GSG1L: variants seen among roughly 807,000 people sequenced by gnomAD.
The protein encoded by GSG1L is germ cell-specific gene 1-like protein.
GSG1L carries 24 observed loss-of-function variants against 42.1 expected under a neutral mutation model. The ratio of observed to expected loss-of-function variants is 0.57; its 90% CI spans 0.41 to 0.80. The LOEUF is 0.80. GSG1L is among the 30% of genes least tolerant of loss of function. The pLI, the probability that GSG1L is intolerant of heterozygous loss-of-function variation, is 0.00. For synonymous variants in GSG1L, 215 were observed against 203.5 expected (o/e 1.06, Z -0.48); for missense variants, 445 against 472.2 (o/e 0.94, Z 0.53).
At chr16:28,034,876 C>A (rs974038045) in intron 1 of GSG1L, among the ~76,000 whole-genome samples, 9 of 152,174 alleles carry the variant, frequency 5.9e-5, no homozygotes, top group African/African-American at 2.2e-4. Context: ...AGGGGAATTG[C>A]CCCCAGTTGA....
At chr16:27,868,014 G>A (rs1261107127) in intron 3 of GSG1L, among the ~76,000 whole-genome samples, 1 of 152,220 alleles carries the variant, frequency 6.6e-6, no homozygotes, top group Non-Finnish European at 1.5e-5. Flanking sequence ...TCCAGCGTAG[G>A]TTTTATTTCC....
At chr16:27,935,611 G>GT (rs2084707189) in intron 2 of GSG1L, among the ~76,000 whole-genome samples, 2 of 152,102 alleles carry the variant, frequency 1.3e-5, no homozygotes, top group South Asian at 4.2e-4. Context: ...CTGTGAATCA[G>GT]TTTTTGGAGT....
rs746146565 is a variant in GSG1L at position 28,063,202 on chromosome 16, T to TGGCGGCGGCGGCGGC, written c.208_222dup (p.Ala70_Ala74dup). On this transcript the variant is annotated inframe_insertion, in exon 1 of 7. Transcript: ENST00000447459. This position sits in a 1 kb window ranked among gnomAD's most constrained non-coding sequence, Gnocchi z 5.8. ...CCAGGGGGGCCGTTCCCCGAGGCGG[T>TGGCGGCGGCGGCGGC]GGCGGCGGCGGCGGCGGCGGCGGGG... The TGGCGGCGGCGGCGGC allele has an allele frequency of 7.9e-7, 1 of 1,261,488 alleles. No homozygotes were observed. Among genetic ancestry groups the TGGCGGCGGCGGCGGC allele is most frequent in the African/African-American group, 1.6e-5 (1 of 62,858 alleles). The allele number at this position is 1,261,488 out of a possible 1,614,324, so 78.1% of individuals were successfully genotyped here.
Position 27,892,694 on chromosome 16 carries a change from G to A in GSG1L, c.398-8056C>T, listed in dbSNP as rs562144634. Among the ~76,000 whole-genome samples, 93 of 151,744 alleles carry A rather than the reference G, an allele frequency of 6.1e-4. 2 individuals carry two copies. In the South Asian group the frequency reaches 0.012, roughly 19 times the overall value. On this transcript the variant is annotated intron_variant, in intron 2 of 6. Transcript: ENST00000447459. ...GATCTCAGCTACTCGGGAGGCTGAG[G>A]CAGGAGAATTCCTTGAACCCGGGAG...
intron 3 of GSG1L, among the ~76,000 whole-genome samples, chr16:27,879,906 C>T (rs2083932340): frequency 6.6e-6 from 1 of 150,548 alleles, no homozygotes; most frequent in Non-Finnish European, 1.5e-5. Flanking sequence ...TTGGTGGAAT[C>T]CACAGATGCG....
intron 1 of GSG1L, among the ~76,000 whole-genome samples, chr16:28,004,220 G>C (rs1428287280): frequency 1.3e-5 from 2 of 152,202 alleles, no homozygotes; most frequent in Middle Eastern, 3.2e-3. Flanking sequence ...AGTGCTGGCT[G>C]CTCCCTTGCC....
intron 2 of GSG1L, among the ~76,000 whole-genome samples, chr16:27,911,766 C>T (rs894845532): frequency 1.3e-5 from 2 of 152,124 alleles, no homozygotes; most frequent in Admixed American, 1.3e-4. Context: ...CCCTCTGGCT[C>T]CCCCAACTGT....
intron 2 of GSG1L, among the ~76,000 whole-genome samples, chr16:27,960,121 T>C (rs534352275): frequency 3.9e-4 from 59 of 152,112 alleles, no homozygotes; most frequent in Admixed American, 2.4e-3. Flanking sequence ...ATGCCTGCGG[T>C]TTGCCAGGTG....
intron 1 of GSG1L, among the ~76,000 whole-genome samples, chr16:28,061,225 A>T (rs1368250867): frequency 6.6e-6 from 1 of 152,240 alleles, no homozygotes; most frequent in Non-Finnish European, 1.5e-5. Context: ...GTTCCTGACA[A>T]CAAGGTGTTA....
chr16:27,849,199 AAAAG>A (rs1450258788), intron 3 of GSG1L, among the ~76,000 whole-genome samples: 3,120 of 56,662 alleles, frequency 0.055, 66 homozygotes, highest in East Asian at 0.27. Flanking sequence ...CTCTATCCCA[AAAAG>A]AAAAAAAAAA....
intron 1 of GSG1L, among the ~76,000 whole-genome samples, chr16:28,030,756 A>AATGGGATGGGAGGGG (rs2085948646): frequency 1.0e-5 from 1 of 95,794 alleles, no homozygotes; most frequent in Non-Finnish European, 2.0e-5. Context: ...GTTAGGATGG[A>AATGGGATGGGAGGGG]ATGGGATGGG....
Position 28,063,037 on chromosome 16 carries a change from G to A in GSG1L, c.349+39C>T. The A allele has an allele frequency of 9.5e-6, 13 of 1,364,750 alleles. No homozygotes were observed. Among genetic ancestry groups the A allele is most frequent in the Non-Finnish European group, 1.0e-5 (11 of 1,054,964 alleles). 84.5% of individuals were successfully genotyped at this position (1,364,750 alleles called of 1,614,324 possible). A position where few individuals can be genotyped will look rare whatever the true frequency, so the allele number is the denominator to read the frequency against. ...CCTCGATGGCCGCGCCGCCCCGGGG[G>A]AGCCGGAGCCGAGCTGGCCGCCGCC... On this transcript the variant is annotated intron_variant, in intron 1 of 6. Coordinates refer to ENST00000447459, the MANE Select transcript of GSG1L (RefSeq NM_001109763.2). The surrounding 1 kb of genome is among the most constrained non-coding windows in gnomAD (Gnocchi z 5.8).
At chr16:27,807,390 G>T in intron 6 of GSG1L, 97 bp downstream of exon 6, 2 of 923,480 alleles carry the variant, frequency 2.2e-6, no homozygotes, top group Non-Finnish European at 3.4e-6. Flanking sequence ...AGGGTGCAGT[G>T]GGGGGTGGGG....
intron 3 of GSG1L, among the ~76,000 whole-genome samples, chr16:27,882,520 T>G (rs1329049926): frequency 2.0e-5 from 3 of 152,116 alleles, no homozygotes; most frequent in African/African-American, 7.2e-5. Context: ...CTCTCCCTAC[T>G]CCCAGTCTTC....
intron 5 of GSG1L, among the ~76,000 whole-genome samples, chr16:27,815,497 T>C (rs1214708326): frequency 6.6e-6 from 1 of 152,214 alleles, no homozygotes; most frequent in African/African-American, 2.4e-5. Flanking sequence ...GGTATTCTTT[T>C]ATGGCAATGT....
chr16:27,982,143 G>T (rs1157368571), intron 1 of GSG1L, among the ~76,000 whole-genome samples: 1 of 152,204 alleles, frequency 6.6e-6, no homozygotes, highest in African/African-American at 2.4e-5. Context: ...TGAGGAGGGA[G>T]GATCACTTGA....
chr16:27,989,909 CT>C (rs2085436996), intron 1 of GSG1L, among the ~76,000 whole-genome samples: 2 of 152,052 alleles, frequency 1.3e-5, no homozygotes, highest in South Asian at 4.1e-4. Context: ...TTGCTTTATT[CT>C]GATTCTTTTT....
chr16:27,853,606 C>T (rs190719749), intron 3 of GSG1L, among the ~76,000 whole-genome samples: 2 of 152,312 alleles, frequency 1.3e-5, no homozygotes, highest in East Asian at 1.9e-4. Flanking sequence ...GCCCTTTCTC[C>T]AAAGGTCCCC....
At chr16:28,042,435 CAAA>C (rs5816459) in intron 1 of GSG1L, among the ~76,000 whole-genome samples, 16 of 125,202 alleles carry the variant, frequency 1.3e-4, no homozygotes, top group African/African-American at 2.4e-4. Context: ...AACTCCATCT[CAAA>C]AAAAAAAAAA....
Sources: allele counts gnomAD v4.1 joint callset (sites outside exome capture counted in the v4.1 genomes callset), GRCh38; gene constraint gnomAD v4.1.1; non-coding constraint Gnocchi (gnomAD v3.1); transcripts MANE v1.5; gene names NCBI Gene and HGNC (gene_info 2026-07-23, HGNC 2026-07-21).